Variants in SLC36A3 observed in about 807,000 individuals in gnomAD.
SLC36A3 encodes the protein solute carrier family 36 member 3.
In SLC36A3, 35 loss-of-function variants were observed where a neutral mutation model predicts 44.3. The ratio of observed to expected loss-of-function variants is 0.79; its 90% CI spans 0.60 to 1.05. The LOEUF (loss-of-function observed/expected upper bound fraction) is 1.05, where lower values mean the gene tolerates loss of function less well. SLC36A3 is among the 50% of genes least tolerant of loss of function. SLC36A3 has a pLI of 0.00. For missense variants in SLC36A3, 540 were observed against 578.7 expected (o/e 0.93, Z 0.69); for synonymous variants, 211 against 227.6 (o/e 0.93, Z 0.66).
intron 1 of SLC36A3, among the ~76,000 whole-genome samples, chr5:151,299,671 G>C (rs1488741963): frequency 6.6e-6 from 1 of 152,156 alleles, no homozygotes; most frequent in Non-Finnish European, 1.5e-5. Flanking sequence ...TGAACCCAGA[G>C]ATGGGAGCAC....
At chr5:151,290,661 C>T (rs1376382059) in intron 4 of SLC36A3, among the ~76,000 whole-genome samples, 8 of 152,098 alleles carry the variant, frequency 5.3e-5, no homozygotes, top group African/African-American at 1.7e-4. Flanking sequence ...TTTGCAAGGC[C>T]GAGGCGGGCG....
intron 8 of SLC36A3, among the ~76,000 whole-genome samples, chr5:151,282,395 C>T (rs1237563264): frequency 1.3e-5 from 2 of 152,030 alleles, no homozygotes; most frequent in East Asian, 1.9e-4. Context: ...CGCGAACTCC[C>T]AACCTCAGGT....
intron 8 of SLC36A3, among the ~76,000 whole-genome samples, chr5:151,283,414 G>A (rs776743205): frequency 1.3e-5 from 2 of 152,198 alleles, no homozygotes; most frequent in Non-Finnish European, 2.9e-5. Flanking sequence ...TTTTCTAGCT[G>A]AGGTCCCAGG....
intron 1 of SLC36A3, among the ~76,000 whole-genome samples, chr5:151,300,888 A>G (rs2346337): frequency 0.014 from 2,177 of 152,354 alleles, 177 homozygotes; most frequent in Admixed American, 0.13. Context: ...GAGAACCGCT[A>G]TGCATGCTGG....
chr5:151,298,295 A>C (rs2127271898), intron 2 of SLC36A3: 2 of 297,782 alleles, frequency 6.7e-6, no homozygotes, highest in South Asian at 1.1e-4. Context: ...TTGGGCTGTT[A>C]ATGCAAATGA....
chr5:151,296,479 T>C, intron 2 of SLC36A3: 1 of 597,466 alleles, frequency 1.7e-6, no homozygotes, highest in Non-Finnish European at 3.0e-6. Context: ...TCTGCTAGGA[T>C]ACTTCCAGTG....
chr5:151,303,106 C>A, intron 1 of SLC36A3, 121 bp downstream of exon 1: 2 of 1,208,348 alleles, frequency 1.7e-6, no homozygotes, highest in Non-Finnish European at 2.2e-6. Context: ...CATCTTTTAT[C>A]CACGCATATC....
chr5:151,297,993 C>T (rs1755018075), intron 2 of SLC36A3: 1 of 152,040 alleles, frequency 6.6e-6, no homozygotes, highest in African/African-American at 2.4e-5. Flanking sequence ...AATATCTTAT[C>T]TTCGTAAGTG....
intron 6 of SLC36A3, 44 bp from the exon 7 acceptor site, chr5:151,284,755 G>C (rs1010977439): frequency 1.3e-5 from 19 of 1,488,230 alleles, no homozygotes; most frequent in Admixed American, 1.8e-5. Flanking sequence ...TTATGGTGTC[G>C]AAGTCATCCC....
Position 151,303,415 on chromosome 5 carries a change from G to C in SLC36A3, c.-61C>G. ...TTAAGGCTCTGAATGAGCCTCTGATGGGTCTTTCTCCAGAGAAACCATGGC... is the reference window on the plus strand; with the variant it reads ...TTAAGGCTCTGAATGAGCCTCTGATCGGTCTTTCTCCAGAGAAACCATGGC... On this transcript the variant is annotated 5_prime_UTR_variant, in exon 1 of 10. Transcript: ENST00000335230. The C allele has an allele frequency of 6.5e-7, 1 of 1,533,950 alleles. No individual in the cohort carries two copies. Among genetic ancestry groups the C allele is most frequent in the Non-Finnish European group, 8.8e-7 (1 of 1,132,832 alleles).
At chr5:151,302,270 G>A (rs946586440) in intron 1 of SLC36A3, among the ~76,000 whole-genome samples, 1 of 152,182 alleles carries the variant, frequency 6.6e-6, no homozygotes, top group Admixed American at 6.5e-5. Context: ...AGATGAGAGA[G>A]GGCATTTCCT....
rs147819880 is a variant in SLC36A3, at chr5:151,298,783, G to A, written c.129-100C>T. 417 of 1,178,364 alleles carry A rather than the reference G, an allele frequency of 3.5e-4. 1 individual carries two copies. Among genetic ancestry groups the A allele is most frequent in the Non-Finnish European group, 4.7e-4 (376 of 806,214 alleles). The allele number at this position is 1,178,364 out of a possible 1,614,324, so 73.0% of individuals were successfully genotyped here. A position where few individuals can be genotyped will look rare whatever the true frequency, so the allele number is the denominator to read the frequency against. ...CTGGCATCTCCAGAGCGCCTGATAG[G>A]AAGAGGGGCAAAACCTGATGAGGTG... On this transcript the variant is annotated intron_variant, in intron 1 of 9. Coordinates refer to ENST00000335230, the MANE Select transcript of SLC36A3 (RefSeq NM_181774.4).
At chr5:151,298,712 G>A in intron 1 of SLC36A3, 29 bp from the exon 2 acceptor site, 2 of 1,609,492 alleles carry the variant, frequency 1.2e-6, no homozygotes, top group Non-Finnish European at 1.7e-6. Context: ...GGAGACAGAG[G>A]GTACTGTTAG....
intron 4 of SLC36A3, among the ~76,000 whole-genome samples, chr5:151,290,677 C>T (rs566226902): frequency 1.1e-3 from 175 of 152,212 alleles, no homozygotes; most frequent in Admixed American, 3.9e-3. Flanking sequence ...GGGCGGATCA[C>T]GAGGTCAGGA....
chr5:151,285,549 G>C (rs1248050813), intron 6 of SLC36A3, among the ~76,000 whole-genome samples: 1 of 152,208 alleles, frequency 6.6e-6, no homozygotes, highest in African/African-American at 2.4e-5. Flanking sequence ...TATGTTAATA[G>C]ATTTCTATGG....
At chr5:151,295,411 G>A (rs978351434) in intron 3 of SLC36A3, among the ~76,000 whole-genome samples, 8 of 152,208 alleles carry the variant, frequency 5.3e-5, no homozygotes, top group South Asian at 2.1e-4. Context: ...TCTTAAAAGC[G>A]TTTTGTGAGC....
At chr5:151,280,923 G>A in intron 9 of SLC36A3, 91 bp downstream of exon 9, 2 of 1,509,066 alleles carry the variant, frequency 1.3e-6, no homozygotes, top group Non-Finnish European at 1.8e-6. Flanking sequence ...TCACAAAGAA[G>A]GCAAGTGGCA....
At chr5:151,284,354 C>G in intron 7 of SLC36A3, 144 bp from the exon 8 acceptor site, 1 of 810,926 alleles carries the variant, frequency 1.2e-6, no homozygotes, top group South Asian at 1.8e-5. Context: ...GGCCACACTC[C>G]TTTCATTTTC....
intron 1 of SLC36A3, among the ~76,000 whole-genome samples, chr5:151,299,372 G>GAGAT (rs1464793424): frequency 2.9e-5 from 4 of 136,592 alleles, no homozygotes; most frequent in African/African-American, 1.1e-4. Context: ...TGAGCATGGT[G>GAGAT]ATATATATAT....
Sources: allele counts gnomAD v4.1 joint callset (sites outside exome capture counted in the v4.1 genomes callset), GRCh38; gene constraint gnomAD v4.1.1; transcripts MANE v1.5; gene names NCBI Gene and HGNC (gene_info 2026-07-23, HGNC 2026-07-21).